TSKS: variants seen among roughly 807,000 people sequenced by gnomAD.
TSKS encodes the protein testis specific serine kinase substrate.
A neutral mutation model predicts 68.0 loss-of-function variants in TSKS; 27 were observed. That is an observed-to-expected ratio of 0.40 (90% CI 0.29 to 0.55). TSKS has a LOEUF of 0.55. TSKS is among the 20% of genes least tolerant of loss of function. The probability of loss-of-function intolerance (pLI) is 0.53; values close to 1 mark genes in which losing one functional copy is unlikely to be tolerated. For missense variants in TSKS, 806 were observed against 776.0 expected (o/e 1.04, Z -0.46); for synonymous variants, 331 against 340.4 (o/e 0.97, Z 0.30).
At position 49,763,272 on chromosome 19, in the gene TSKS, A is replaced by G; in HGVS notation, c.-25T>C. 6.8e-7 allele frequency: 1 copy of G among 1,474,214 alleles called. No individual in the cohort carries two copies. Among genetic ancestry groups the G allele is most frequent in the South Asian group, 1.4e-5 (1 of 71,584 alleles). 91.3% of individuals were successfully genotyped at this position (1,474,214 alleles called of 1,614,324 possible). A position where few individuals can be genotyped will look rare whatever the true frequency, so the allele number is the denominator to read the frequency against. ...TGGTGTGGGGGTCTGGCTCCCAGGG[A>G]GGGGCTCCTTCCTCTGAGACTTCCT... On this transcript the variant is annotated 5_prime_UTR_variant, in exon 1 of 11. Coordinates refer to ENST00000246801, the MANE Select transcript of TSKS (RefSeq NM_021733.2). The surrounding 1 kb of genome is among the most constrained non-coding windows in gnomAD (Gnocchi z 4.5).
intron 2 of TSKS, among the ~76,000 whole-genome samples, chr19:49,758,158 C>G (rs933528206): frequency 3.3e-5 from 5 of 151,020 alleles, no homozygotes; most frequent in African/African-American, 1.2e-4. Context: ...TCTCCCTTCC[C>G]CTCTCTCTGG....
chr19:49,748,333 C>A (rs1405525636), intron 3 of TSKS, 41 bp downstream of exon 3: 1 of 1,602,546 alleles, frequency 6.2e-7, no homozygotes, highest in Admixed American at 1.7e-5. Context: ...GAACTTGGCC[C>A]TGGAGGAAGG....
intron 2 of TSKS, among the ~76,000 whole-genome samples, chr19:49,750,769 G>A (rs537017436): frequency 2.0e-5 from 3 of 152,160 alleles, no homozygotes; most frequent in African/African-American, 4.8e-5. Flanking sequence ...CAACCAGAAC[G>A]TAGACACCTG....
At chr19:49,760,262 T>G (rs989506835) in intron 2 of TSKS, among the ~76,000 whole-genome samples, 3 of 152,092 alleles carry the variant, frequency 2.0e-5, no homozygotes, top group Non-Finnish European at 4.4e-5. Flanking sequence ...AAAAATTGCT[T>G]GAGTTTAAGA....
chr19:49,744,489 T>C, intron 7 of TSKS, 85 bp from the exon 8 acceptor site: 3 of 1,425,430 alleles, frequency 2.1e-6, no homozygotes, highest in Non-Finnish European at 2.9e-6. Flanking sequence ...AGCCCACCAC[T>C]TGCGTCTCCA....
chr19:49,740,208 C>T (rs1383540351), intron 9 of TSKS, 25 bp from the exon 10 acceptor site: 1 of 1,598,388 alleles, frequency 6.3e-7, no homozygotes. Flanking sequence ...GTAGGCGTAG[C>T]TGGGCTTGCT....
rs1274253288 is a variant in TSKS at position 49,740,193 on chromosome 19, G to C, written c.1498-10C>G. The stretch of plus-strand genomic sequence containing the variant: ...CCTGGCGCTCCAGCTCCTGGGGAGA[G>C]GAGCGTAGGCGTAGCTGGGCTTGCT... On this transcript the variant is annotated splice_polypyrimidine_tract_variant and intron_variant, in intron 9 of 10. Transcript: ENST00000246801. 10 of 1,608,836 alleles carry C rather than the reference G, an allele frequency of 6.2e-6. No individual in the cohort carries two copies. The highest frequency in any genetic ancestry group is 8.5e-6 in the Non-Finnish European group (10 of 1,178,528).
At chr19:49,741,753 C>G (rs962044283) in intron 9 of TSKS, 132 bp downstream of exon 9, 8 of 1,262,376 alleles carry the variant, frequency 6.3e-6, no homozygotes, top group South Asian at 1.3e-5. Flanking sequence ...AGTCCTCCCC[C>G]AGTGCCTGCT....
chr19:49,755,641 G>A (rs2123624001), intron 2 of TSKS, among the ~76,000 whole-genome samples: 1 of 151,974 alleles, frequency 6.6e-6, no homozygotes, highest in South Asian at 2.1e-4. Flanking sequence ...GACCAGCCTG[G>A]GCAACAAAGT....
chr19:49,741,274 A>G (rs1179926457), intron 9 of TSKS, among the ~76,000 whole-genome samples: 1 of 152,162 alleles, frequency 6.6e-6, no homozygotes, highest in Admixed American at 6.6e-5. Context: ...TATTAGTCCT[A>G]TAGCTCGGCC....
intron 2 of TSKS, among the ~76,000 whole-genome samples, chr19:49,752,100 C>T (rs997435657): frequency 1.3e-5 from 2 of 151,704 alleles, no homozygotes; most frequent in Non-Finnish European, 2.9e-5. Flanking sequence ...ATGTAACTCC[C>T]AGGCTGAGCG....
chr19:49,745,873 C>T (rs1336704638), intron 6 of TSKS, among the ~76,000 whole-genome samples: 2 of 152,166 alleles, frequency 1.3e-5, no homozygotes, highest in African/African-American at 4.8e-5. Flanking sequence ...TTGGAGACCC[C>T]AGCCTTGTCG....
Position 49,740,085 on chromosome 19 carries a change from T to C in TSKS, c.1596A>G (p.Leu532=). ...AQDEALRAKN[L]LLTDKMKPEE... Reference sequence around the variant, plus strand: ...CTGGCTTCATCTTGTCTGTCAGCAGTAGGTTCTTGGCCCGCAGGGCCTCGT... The same window carrying C: ...CTGGCTTCATCTTGTCTGTCAGCAGCAGGTTCTTGGCCCGCAGGGCCTCGT... The change falls in exon 10 of 11, where the codon CTA becomes CTG. Residue 532 remains leucine, a synonymous_variant. Transcript: ENST00000246801. 1 of 1,614,100 alleles carries C rather than the reference T, an allele frequency of 6.2e-7. No individual in the cohort carries two copies. Among genetic ancestry groups the C allele is most frequent in the Non-Finnish European group, 8.5e-7 (1 of 1,179,994 alleles).
rs138076602 is a variant in TSKS, at chr19:49,763,180, G to A, written c.68C>T (p.Thr23Met). The change falls in exon 1 of 11, where the codon ACG (threonine) becomes ATG (methionine). Residue 23 changes from threonine (T) to methionine (M), a missense_variant. By Grantham distance (81) the Thr-to-Met change is moderately conservative (BLOSUM62 -1). Transcript: ENST00000246801. The surrounding 1 kb of genome is among the most constrained non-coding windows in gnomAD (Gnocchi z 4.5). ...KEIHEAGDTP[T>M]GVESCSQLVP... ...TAGCTGGGAGCAGCTCTCCACCCCCGTGGGGGTGTCCCCGGCCTCATGGAT... is the reference window on the plus strand; with the variant it reads ...TAGCTGGGAGCAGCTCTCCACCCCCATGGGGGTGTCCCCGGCCTCATGGAT... The A allele has an allele frequency of 3.4e-5, 54 of 1,597,524 alleles. No individual in the cohort carries two copies. The highest frequency in any genetic ancestry group is 3.2e-4 in the African/African-American group (24 of 74,030).
intron 5 of TSKS, chr19:49,747,059 G>A (rs1477596581): frequency 9.4e-6 from 13 of 1,380,574 alleles, no homozygotes; most frequent in Middle Eastern, 1.8e-4. Context: ...TCAAATACCA[G>A]TCCCGGCCAC....
rs758486291 is a variant in TSKS, at chr19:49,763,105, T to C, written c.143A>G (p.Lys48Arg). The C allele has an allele frequency of 1.4e-5, 22 of 1,612,432 alleles. No homozygotes were observed. The highest frequency in any genetic ancestry group is 1.3e-5 in the African/African-American group (1 of 74,888). ...RVTSRAKGIPKKKKAVSFHGV... is the reference protein window; with the variant it reads ...RVTSRAKGIPRKKKAVSFHGV... Reference sequence around the variant, plus strand: ...GTGGAACGACACGGCCTTCTTTTTCTTCGGGATCCCCTTGGCCCGGCTGGT... The same window carrying C: ...GTGGAACGACACGGCCTTCTTTTTCCTCGGGATCCCCTTGGCCCGGCTGGT... Residue 48 changes from lysine to arginine, a missense_variant, in exon 1 of 11, where the codon AAG (lysine) becomes AGG (arginine). By Grantham distance (26) the Lys-to-Arg change is conservative. Transcript: ENST00000246801. This position sits in a 1 kb window ranked among gnomAD's most constrained non-coding sequence, Gnocchi z 4.5.
Position 49,763,173 on chromosome 19 carries a change from C to A in TSKS, c.75G>T (p.Val25=). 1 of 1,604,642 alleles carries A rather than the reference C, an allele frequency of 6.2e-7. No individual in the cohort carries two copies. The highest frequency in any genetic ancestry group is 8.5e-7 in the Non-Finnish European group (1 of 1,175,420). Residue 25 remains valine (V), a synonymous_variant, in exon 1 of 11, where the codon GTG becomes GTT. Coordinates refer to ENST00000246801, the MANE Select transcript of TSKS (RefSeq NM_021733.2). The surrounding 1 kb of genome is among the most constrained non-coding windows in gnomAD (Gnocchi z 4.5). The part of the protein sequence containing the change: ...IHEAGDTPTG[V]ESCSQLVPEA... ...CTGGGACTAGCTGGGAGCAGCTCTC[C>A]ACCCCCGTGGGGGTGTCCCCGGCCT... is the stretch of plus-strand genomic sequence containing the variant.
chr19:49,747,026 C>A (rs1199434634), intron 5 of TSKS: 3 of 1,251,064 alleles, frequency 2.4e-6, no homozygotes, highest in South Asian at 3.0e-5. Context: ...GGTATCCACC[C>A]GGCCCTCCAA....
In TSKS at chr19:49,762,391, T is replaced by C; in HGVS notation, c.171-159A>G. On this transcript the variant is annotated intron_variant, in intron 1 of 10. Transcript: ENST00000246801. ...CGCTGCCTACTTTATTCTCCTTCCC[T>C]GTGCTGCCTACTTTCTTTCTTTTTT... Among the ~76,000 whole-genome samples, 2 of 151,180 alleles carry C rather than the reference T, an allele frequency of 1.3e-5. 1 individual carries two copies. The highest frequency in any genetic ancestry group is 3.9e-4 in the East Asian group (2 of 5,100).
Sources: allele counts gnomAD v4.1 joint callset (sites outside exome capture counted in the v4.1 genomes callset), GRCh38; gene constraint gnomAD v4.1.1; non-coding constraint Gnocchi (gnomAD v3.1); transcripts MANE v1.5; gene names NCBI Gene and HGNC (gene_info 2026-07-23, HGNC 2026-07-21).